HMBOX1: variants seen among roughly 807,000 people sequenced by gnomAD.
HMBOX1 encodes homeobox containing 1.
Under a neutral mutation model 54.5 loss-of-function variants are expected in HMBOX1, and 14 were observed. That is an observed-to-expected ratio of 0.26 (90% CI 0.17 to 0.40). HMBOX1 has a LOEUF of 0.40. HMBOX1 is among the 10% of genes least tolerant of loss of function. The pLI is 1.00. For missense variants in HMBOX1, 332 were observed against 514.4 expected, an observed-to-expected ratio of 0.65 and a Z score of 3.43; for synonymous variants, 160 against 181.0, an observed-to-expected ratio of 0.88 and a Z score of 0.93.
chr8:28,972,867 A>G (rs1202371765), intron 3 of HMBOX1, among the ~76,000 whole-genome samples: 3 of 152,376 alleles, frequency 2.0e-5, no homozygotes, highest in Non-Finnish European at 4.4e-5. Flanking sequence ...GTTAAATCCC[A>G]TAATTACACC....
intron 1 of HMBOX1, among the ~76,000 whole-genome samples, chr8:28,925,609 G>A (rs1174034945): frequency 6.7e-6 from 1 of 149,082 alleles, no homozygotes; most frequent in East Asian, 2.0e-4. Context: ...CAGAAATACA[G>A]ACTCAGCCTT....
At chr8:28,891,824 GAT>G (rs1811053354) in intron 1 of HMBOX1, 1 of 152,250 alleles carries the variant, frequency 6.6e-6, no homozygotes, top group South Asian at 2.1e-4. Flanking sequence ...TGGCATTAAA[GAT>G]AACACTATGT....
At chr8:28,904,251 T>C (rs1005195965) in intron 1 of HMBOX1, among the ~76,000 whole-genome samples, 38 of 147,488 alleles carry the variant, frequency 2.6e-4, no homozygotes, top group Non-Finnish European at 5.0e-4. Context: ...CCAAATCTCT[T>C]TTTTTTTTTT....
chr8:28,976,759 T>C (rs2132431741), intron 3 of HMBOX1, among the ~76,000 whole-genome samples: 1 of 150,430 alleles, frequency 6.6e-6, no homozygotes, highest in South Asian at 2.1e-4. Flanking sequence ...CAGGTTGGAG[T>C]GCAGTGGCAC....
chr8:28,931,529 T>C lies in HMBOX1; in HGVS notation c.-57-32282T>C, dbSNP rs139935183. ...GGATAGAGTGAAAGTCCAAAACTAA[T>C]ACCTTATCTTGGTGGTGGTTGTTGT... On this transcript the variant is annotated intron_variant, in intron 1 of 9. Transcript: ENST00000287701. 1.7e-3 allele frequency among the ~76,000 whole-genome samples: 254 copies of C among 152,276 alleles called. 2 individuals are homozygous for C. The highest frequency in any genetic ancestry group is 0.01 in the Middle Eastern group (3 of 294).
intron 1 of HMBOX1, among the ~76,000 whole-genome samples, chr8:28,938,130 A>G (rs1820716478): frequency 6.6e-6 from 1 of 152,192 alleles, no homozygotes; most frequent in African/African-American, 2.4e-5. Context: ...AGACTTTGAT[A>G]ACTTTTCCAC....
chr8:29,000,668 G>C (rs1428848021), intron 4 of HMBOX1, among the ~76,000 whole-genome samples: 2 of 152,242 alleles, frequency 1.3e-5, no homozygotes, highest in African/African-American at 4.8e-5. Flanking sequence ...TGCAAATAAA[G>C]ATTTCCAGGT....
intron 6 of HMBOX1, among the ~76,000 whole-genome samples, chr8:29,037,137 T>G (rs1411901198): frequency 2.0e-5 from 3 of 152,206 alleles, no homozygotes; most frequent in African/African-American, 7.2e-5. Context: ...TATTTTAGCT[T>G]GTGCTCACAC....
intron 1 of HMBOX1, among the ~76,000 whole-genome samples, chr8:28,891,999 C>T (rs917790830): frequency 1.3e-5 from 2 of 152,018 alleles, no homozygotes; most frequent in African/African-American, 4.8e-5. Flanking sequence ...CCTATCCTCC[C>T]TCCTTCCTTC....
At chr8:29,013,462 T>G (rs1304838848) in intron 5 of HMBOX1, among the ~76,000 whole-genome samples, 2 of 152,196 alleles carry the variant, frequency 1.3e-5, no homozygotes, top group African/African-American at 4.8e-5. Context: ...CTCTTCAGTC[T>G]GGATCCAGTT....
At chr8:28,911,056 G>A (rs906456139) in intron 1 of HMBOX1, among the ~76,000 whole-genome samples, 3 of 152,294 alleles carry the variant, frequency 2.0e-5, no homozygotes, top group Admixed American at 6.5e-5. Context: ...TACTGGGGGA[G>A]TCGATTTGCC....
At chr8:28,948,570 CT>C (rs1267818069) in intron 1 of HMBOX1, among the ~76,000 whole-genome samples, 2 of 152,274 alleles carry the variant, frequency 1.3e-5, no homozygotes. Context: ...CAATTCTGAA[CT>C]CTTAACAAAA....
rs1829860507 is a variant in HMBOX1, at chr8:28,984,279, A to G, written c.586+4123A>G. Among the ~76,000 whole-genome samples the G allele has an allele frequency of 2.0e-5, 3 of 152,252 alleles. No individual in the cohort carries two copies. In the South Asian group the frequency reaches 6.2e-4, roughly 32 times the overall value. On this transcript the variant is annotated intron_variant, in intron 4 of 9. Coordinates refer to ENST00000287701, the MANE Select transcript of HMBOX1 (RefSeq NM_001135726.3). ...TGAATCTTACAACAAGTTCTCTTAA[A>G]AAGATTTAAGTTCAACTCTAATATG...
intron 1 of HMBOX1, among the ~76,000 whole-genome samples, chr8:28,900,064 C>T (rs1812905576): frequency 1.3e-5 from 2 of 151,706 alleles, no homozygotes; most frequent in African/African-American, 2.4e-5. Context: ...GCCTGGCCAA[C>T]ATGGTGAAAC....
Position 28,963,830 on chromosome 8 carries a change from C to T in HMBOX1, c.-38C>T, listed in dbSNP as rs761044423. ...CTACAGAATGGTAGATAACGCAGAT[C>T]ATCTCTGGAAAGGATATTGATCCGC... On this transcript the variant is annotated 5_prime_UTR_variant, in exon 2 of 10. Transcript: ENST00000287701. 166 of 1,551,616 alleles carry T rather than the reference C, an allele frequency of 1.1e-4. 1 individual carries two copies. Among genetic ancestry groups the T allele is most frequent in the Non-Finnish European group, 1.8e-6 (2 of 1,133,706 alleles).
intron 2 of HMBOX1, among the ~76,000 whole-genome samples, chr8:28,965,995 TAAAG>T (rs1826371794): frequency 6.6e-6 from 1 of 152,024 alleles, no homozygotes; most frequent in African/African-American, 2.4e-5. Context: ...ATAATAAAAA[TAAAG>T]ACAGCAGAAT....
At chr8:28,918,491 C>A (rs1243868064) in intron 1 of HMBOX1, among the ~76,000 whole-genome samples, 3 of 152,204 alleles carry the variant, frequency 2.0e-5, no homozygotes, top group Non-Finnish European at 4.4e-5. Flanking sequence ...GCGTGAGCCA[C>A]CACGCCTGGC....
At chr8:29,049,594 G>A in intron 9 of HMBOX1, 1 of 616,518 alleles carries the variant, frequency 1.6e-6, no homozygotes. Context: ...CCTCTCATAA[G>A]TGCAATACCT....
chr8:29,011,905 T>C (rs1216817782), intron 5 of HMBOX1, among the ~76,000 whole-genome samples: 1 of 152,224 alleles, frequency 6.6e-6, no homozygotes, highest in African/African-American at 2.4e-5. Context: ...GACGTTCCTC[T>C]AATTATATGC....
Sources: allele counts gnomAD v4.1 joint callset (sites outside exome capture counted in the v4.1 genomes callset), GRCh38; gene constraint gnomAD v4.1.1; transcripts MANE v1.5; gene names NCBI Gene and HGNC (gene_info 2026-07-23, HGNC 2026-07-21).